The following PRKCE variants were observed in gnomAD, a reference collection of about 807,000 sequenced individuals.
The protein encoded by PRKCE is protein kinase C epsilon.
A neutral mutation model predicts 85.4 loss-of-function variants in PRKCE; 16 were observed. That is an observed-to-expected ratio of 0.19 (90% CI 0.13 to 0.28). The LOEUF (loss-of-function observed/expected upper bound fraction) is 0.28. PRKCE is among the 10% of genes least tolerant of loss of function. The pLI is 1.00. For synonymous variants in PRKCE, 388 were observed against 371.5 expected, an observed-to-expected ratio of 1.04 and a Z score of -0.51; for missense variants, 573 against 975.2, an observed-to-expected ratio of 0.59 and a Z score of 5.49.
chr2:45,714,199 G>C (rs943409331), intron 1 of PRKCE, among the ~76,000 whole-genome samples: 4 of 152,326 alleles, frequency 2.6e-5, no homozygotes, highest in East Asian at 3.9e-4. Flanking sequence ...GTCGGATGGA[G>C]GAGGGGCATG....
intron 8 of PRKCE, among the ~76,000 whole-genome samples, chr2:46,005,963 A>C (rs1240432943): frequency 6.6e-6 from 1 of 152,172 alleles, no homozygotes; most frequent in Non-Finnish European, 1.5e-5. Context: ...CATATAGAAA[A>C]GAGACCCCAG....
intron 11 of PRKCE, among the ~76,000 whole-genome samples, chr2:46,135,974 G>A (rs964806993): frequency 6.6e-6 from 1 of 151,390 alleles, no homozygotes; most frequent in Non-Finnish European, 1.5e-5. Context: ...ATTTATGAAG[G>A]TGCTGGTACC....
At chr2:45,956,362 A>G (rs1279697008) in intron 2 of PRKCE, among the ~76,000 whole-genome samples, 3 of 152,088 alleles carry the variant, frequency 2.0e-5, no homozygotes, top group African/African-American at 7.2e-5. Context: ...TTGATTATGT[A>G]TGGTAAGTGT....
chr2:45,796,835 C>G (rs1375213699), intron 1 of PRKCE, among the ~76,000 whole-genome samples: 2 of 152,158 alleles, frequency 1.3e-5, no homozygotes, highest in African/African-American at 2.4e-5. Flanking sequence ...CCAGACTGCT[C>G]ATGAACTCCT....
chr2:46,078,735 T>C lies in PRKCE; in HGVS notation c.1438-7473T>C, dbSNP rs545857534. On this transcript the variant is annotated intron_variant, in intron 10 of 14. Transcript: ENST00000306156. ...CTCTGCTTACCTCTGCCCTTCAAGG[T>C]TGTGCTTCTAATTTGCCAGGCCTTC... 1.1e-4 allele frequency: 16 copies of C among 152,310 alleles called. No homozygotes were observed. In the East Asian group the frequency reaches 3.1e-3, roughly 29 times the overall value. 9.4% of individuals were successfully genotyped at this position (152,310 alleles called of 1,614,324 possible).
chr2:46,043,800 T>C (rs544467588), intron 10 of PRKCE, among the ~76,000 whole-genome samples: 31 of 152,354 alleles, frequency 2.0e-4, no homozygotes, highest in Non-Finnish European at 3.5e-4. Flanking sequence ...CATGAATCAT[T>C]ATAATGTATC....
intron 1 of PRKCE, among the ~76,000 whole-genome samples, chr2:45,836,113 G>A (rs985254577): frequency 1.3e-5 from 2 of 152,150 alleles, no homozygotes; most frequent in Non-Finnish European, 2.9e-5. Flanking sequence ...AGTAGTATAA[G>A]CTAAGGCCAT....
At chr2:45,682,438 T>G (rs936795001) in intron 1 of PRKCE, among the ~76,000 whole-genome samples, 1 of 152,118 alleles carries the variant, frequency 6.6e-6, no homozygotes, top group African/African-American at 2.4e-5. Flanking sequence ...ATTTATTTAT[T>G]TTTTTTGAGA....
At chr2:45,726,795 GC>G (rs1483190555) in intron 1 of PRKCE, among the ~76,000 whole-genome samples, 1 of 152,114 alleles carries the variant, frequency 6.6e-6, no homozygotes, top group Non-Finnish European at 1.5e-5. Context: ...TCGGTCATCA[GC>G]CCTCCTGTTT....
intron 14 of PRKCE, among the ~76,000 whole-genome samples, chr2:46,173,272 C>G (rs281478): frequency 0.82 from 124,498 of 152,254 alleles, 51,436 homozygotes; most frequent in East Asian, 0.96. Flanking sequence ...TTCATTTACA[C>G]AAGTTCATGC....
At chr2:46,072,859 G>C (rs1668195003) in intron 10 of PRKCE, among the ~76,000 whole-genome samples, 1 of 152,172 alleles carries the variant, frequency 6.6e-6, no homozygotes, top group African/African-American at 2.4e-5. Flanking sequence ...TCTTTAGTTA[G>C]ATTTACCAAC....
intron 10 of PRKCE, among the ~76,000 whole-genome samples, chr2:46,074,429 C>CAAAAAAAAAAAA (rs11287357): frequency 6.4e-5 from 6 of 93,858 alleles, no homozygotes; most frequent in Admixed American, 1.2e-4. Flanking sequence ...CAACAACAAC[C>CAAAAAAAAAAAA]AAAAAAAAAA....
chr2:46,152,517 G>A (rs190486409), intron 13 of PRKCE, among the ~76,000 whole-genome samples: 1 of 151,684 alleles, frequency 6.6e-6, no homozygotes, highest in Admixed American at 6.6e-5. Context: ...CATTATCGTA[G>A]GTAGAAAATC....
intron 1 of PRKCE, among the ~76,000 whole-genome samples, chr2:45,763,375 C>G (rs1228928927): frequency 6.6e-6 from 1 of 152,150 alleles, no homozygotes; most frequent in East Asian, 1.9e-4. Context: ...AGAGACCTGT[C>G]TAGTGGATGA....
intron 13 of PRKCE, among the ~76,000 whole-genome samples, chr2:46,156,255 T>C (rs1465313038): frequency 2.0e-5 from 3 of 151,996 alleles, no homozygotes; most frequent in Non-Finnish European, 4.4e-5. Flanking sequence ...CCCTGTGCCC[T>C]TTTTGCCTAG....
At chr2:46,128,400 C>T (rs1220294873) in intron 11 of PRKCE, among the ~76,000 whole-genome samples, 2 of 152,200 alleles carry the variant, frequency 1.3e-5, no homozygotes, top group African/African-American at 4.8e-5. Context: ...CTGGTATAAA[C>T]CCTTTCCATA....
chr2:45,723,712 C>A (rs899730097), intron 1 of PRKCE, among the ~76,000 whole-genome samples: 1 of 152,194 alleles, frequency 6.6e-6, no homozygotes, highest in Non-Finnish European at 1.5e-5. Flanking sequence ...TCAAGCGATT[C>A]TCCTGCCTCA....
chr2:45,917,912 C>G (rs887532434), intron 2 of PRKCE, among the ~76,000 whole-genome samples: 2 of 152,026 alleles, frequency 1.3e-5, no homozygotes, highest in Admixed American at 6.5e-5. Flanking sequence ...GCCGCTGGCC[C>G]GGTGCTAAGC....
rs1484222918 is a variant in PRKCE, at chr2:45,980,342, A to G, written c.654A>G (p.Thr218=). The change falls in exon 5 of 15, where the codon ACA becomes ACG. Residue 218 remains threonine, a synonymous_variant. Coordinates refer to ENST00000306156, the MANE Select transcript of PRKCE (RefSeq NM_005400.3). ...VHKRCHELII[T]KCAGLKKQET... is the part of the protein sequence containing the mutation. ...AGCGGTGCCACGAGCTCATAATCAC[A>G]AAGTGTGCTGGGTTAAAGAAGCAGG... 3 of 1,599,682 alleles carry G rather than the reference A, an allele frequency of 1.9e-6. No homozygotes were observed. The highest frequency in any genetic ancestry group is 1.7e-5 in the Admixed American group (1 of 60,024).
Sources: gnomAD v4.1 joint callset for allele counts (sites outside exome capture counted in the v4.1 genomes callset) on GRCh38, gnomAD v4.1.1 for gene constraint, MANE v1.5 for transcripts, NCBI Gene and HGNC (gene_info 2026-07-23, HGNC 2026-07-21) for gene names.